STAU2: variants seen among roughly 807,000 people sequenced by gnomAD.
STAU2 encodes double-stranded RNA-binding protein Staufen homolog 2.
Under a neutral mutation model 65.9 loss-of-function variants are expected in STAU2, and 20 were observed. That is an observed-to-expected ratio of 0.30 (90% confidence interval 0.21 to 0.44). STAU2 has a LOEUF of 0.44. STAU2 is among the 20% of genes least tolerant of loss of function. STAU2 has a pLI of 1.00. For synonymous variants in STAU2, 232 were observed against 233.9 expected, an observed-to-expected ratio of 0.99 and a Z score of 0.07; for missense variants, 558 against 683.9, an observed-to-expected ratio of 0.82 and a Z score of 2.05.
chr8:73,720,153 T>TGC (rs1821538068), intron 3 of STAU2, among the ~76,000 whole-genome samples: 4 of 151,906 alleles, frequency 2.6e-5, no homozygotes, highest in African/African-American at 7.3e-5. Flanking sequence ...CATGGTAGCA[T>TGC]GTGCCTGAAG....
rs184952221 is a variant in STAU2 at position 73,681,995 on chromosome 8, T to C, written c.274+6659A>G. On this transcript the variant is annotated intron_variant, in intron 5 of 14. Coordinates refer to ENST00000524300, the MANE Select transcript of STAU2 (RefSeq NM_001164380.2). ...TTATAAAACAATTACTACTAGACCT[T>C]AATAAATGAGACAGAGGGCAAAATA... 8.3e-4 allele frequency among the ~76,000 whole-genome samples: 127 copies of C among 152,130 alleles called. 1 individual carries two copies. Among genetic ancestry groups the C allele is most frequent in the African/African-American group, 2.9e-3 (121 of 41,530 alleles).
chr8:73,505,568 A>G (rs1822014545), intron 13 of STAU2, among the ~76,000 whole-genome samples: 1 of 152,184 alleles, frequency 6.6e-6, no homozygotes, highest in Admixed American at 6.5e-5. Flanking sequence ...TCTTCAAATT[A>G]TAAAAGCCCC....
intron 13 of STAU2, among the ~76,000 whole-genome samples, chr8:73,549,263 A>G (rs921661148): frequency 1.2e-4 from 18 of 152,200 alleles, no homozygotes; most frequent in Admixed American, 2.6e-4. Flanking sequence ...TTAAAAGAAT[A>G]TAAATAAAAC....
At chr8:73,528,267 T>C (rs936557770) in intron 13 of STAU2, among the ~76,000 whole-genome samples, 35 of 152,234 alleles carry the variant, frequency 2.3e-4, no homozygotes, top group African/African-American at 7.7e-4. Flanking sequence ...AAAACCACTG[T>C]TGAATATATA....
intron 13 of STAU2, among the ~76,000 whole-genome samples, chr8:73,471,308 G>A (rs1483732985): frequency 6.6e-6 from 1 of 151,352 alleles, no homozygotes; most frequent in Non-Finnish European, 1.5e-5. Context: ...AGGTAGCCAG[G>A]ACTACAGGCA....
At chr8:73,692,140 C>A (rs569218255) in intron 4 of STAU2, among the ~76,000 whole-genome samples, 4 of 151,984 alleles carry the variant, frequency 2.6e-5, no homozygotes, top group Non-Finnish European at 4.4e-5. Context: ...GGGTGGCACA[C>A]CCAGACAGGG....
intron 6 of STAU2, among the ~76,000 whole-genome samples, chr8:73,637,327 A>G (rs1243035057): frequency 6.6e-6 from 1 of 151,608 alleles, no homozygotes; most frequent in East Asian, 1.9e-4. Context: ...ACCACACAAG[A>G]TATGTTATAG....
intron 9 of STAU2, among the ~76,000 whole-genome samples, chr8:73,608,418 C>T (rs1812191941): frequency 6.6e-6 from 1 of 151,840 alleles, no homozygotes; most frequent in South Asian, 2.1e-4. Flanking sequence ...ACCAGCCTGA[C>T]CAACATGGTG....
At chr8:73,546,931 AT>A (rs1392745080) in intron 13 of STAU2, among the ~76,000 whole-genome samples, 1 of 152,142 alleles carries the variant, frequency 6.6e-6, no homozygotes, top group African/African-American at 2.4e-5. Context: ...ATGAAAAATA[AT>A]TTTTTCCTTC....
At chr8:73,574,043 TA>T (rs1563432242) in intron 12 of STAU2, among the ~76,000 whole-genome samples, 1 of 151,972 alleles carries the variant, frequency 6.6e-6, no homozygotes, top group Non-Finnish European at 1.5e-5. Context: ...ACAAAGAACT[TA>T]AACAAATTTA....
Position 73,551,554 on chromosome 8 carries a change from A to G in STAU2, c.1530+458T>C, listed in dbSNP as rs1290293227. 8 of 987,886 alleles carry G rather than the reference A, an allele frequency of 8.1e-6. No homozygotes were observed. In the Admixed American group the frequency reaches 3.1e-4, roughly 38 times the overall value. 61.2% of individuals were successfully genotyped at this position (987,886 alleles called of 1,614,324 possible). ...ATCTTAATGGTGTACCTGAATCAAT[A>G]CTAGCAATAGAATGCAAAATTCAAA... On this transcript the variant is annotated intron_variant, in intron 13 of 14. Transcript: ENST00000524300.
chr8:73,704,591 G>A (rs936521657), intron 4 of STAU2, among the ~76,000 whole-genome samples: 1 of 152,040 alleles, frequency 6.6e-6, no homozygotes, highest in Non-Finnish European at 1.5e-5. Flanking sequence ...AGTGGGTAGG[G>A]GATGGTAAAT....
chr8:73,464,610 A>G (rs1819552030), intron 13 of STAU2, among the ~76,000 whole-genome samples: 1 of 152,192 alleles, frequency 6.6e-6, no homozygotes, highest in South Asian at 2.1e-4. Context: ...GCACACACAC[A>G]CACACACACA....
intron 4 of STAU2, among the ~76,000 whole-genome samples, chr8:73,698,867 C>T (rs1401756887): frequency 6.8e-6 from 1 of 146,898 alleles, no homozygotes; most frequent in Non-Finnish European, 1.5e-5. Context: ...CTCCTCGACA[C>T]ATGGATCATT....
intron 13 of STAU2, among the ~76,000 whole-genome samples, chr8:73,497,017 A>G (rs1257626326): frequency 6.6e-6 from 1 of 151,798 alleles, no homozygotes; most frequent in Non-Finnish European, 1.5e-5. Context: ...CATAGATCAA[A>G]TGCTTCCATG....
chr8:73,523,707 C>T (rs1004755314), intron 13 of STAU2, among the ~76,000 whole-genome samples: 2 of 152,122 alleles, frequency 1.3e-5, no homozygotes, highest in Non-Finnish European at 2.9e-5. Flanking sequence ...GTTTCTTTCA[C>T]CAACCATCAT....
chr8:73,716,306 T>C (rs1324942121), intron 3 of STAU2, among the ~76,000 whole-genome samples: 1 of 152,104 alleles, frequency 6.6e-6, no homozygotes, highest in Non-Finnish European at 1.5e-5. Context: ...GACAGGCCAG[T>C]CTCGAACTCC....
chr8:73,462,164 C>A (rs1379714770), intron 13 of STAU2, among the ~76,000 whole-genome samples: 1 of 152,132 alleles, frequency 6.6e-6, no homozygotes, highest in African/African-American at 2.4e-5. Flanking sequence ...ATTGCAACCT[C>A]CACCTCCTGG....
chr8:73,557,960 T>A (rs1036810964), intron 12 of STAU2, among the ~76,000 whole-genome samples: 9 of 152,092 alleles, frequency 5.9e-5, no homozygotes, highest in Admixed American at 1.3e-4. Flanking sequence ...TTAATTCCCA[T>A]AACAACCATA....
Sources: gnomAD v4.1 joint callset for allele counts (sites outside exome capture counted in the v4.1 genomes callset) on GRCh38, gnomAD v4.1.1 for gene constraint, MANE v1.5 for transcripts, NCBI Gene and HGNC (gene_info 2026-07-23, HGNC 2026-07-21) for gene names.